Variants in ZFYVE1 observed in about 807,000 individuals in gnomAD.
The protein encoded by ZFYVE1 is zinc finger FYVE domain-containing protein 1.
Under a neutral mutation model 74.4 loss-of-function variants are expected in ZFYVE1, and 30 were observed. The ratio of observed to expected loss-of-function variants is 0.40; its 90% CI spans 0.30 to 0.55. The LOEUF (loss-of-function observed/expected upper bound fraction) is 0.55, where lower values mean the gene tolerates loss of function less well. ZFYVE1 is among the 20% of genes least tolerant of loss of function. The pLI is 0.42. For missense variants in ZFYVE1, 703 were observed against 1,011.6 expected, an observed-to-expected ratio of 0.69 and a Z score of 4.14; for synonymous variants, 335 against 385.1, an observed-to-expected ratio of 0.87 and a Z score of 1.52.
chr14:72,990,689 C>CTTTT lies in ZFYVE1; in HGVS notation c.1203+2450_1203+2453dup, dbSNP rs369030778. Among the ~76,000 whole-genome samples, 102 of 66,704 alleles carry CTTTT rather than the reference C, an allele frequency of 1.5e-3. 12 individuals carry two copies. Among genetic ancestry groups the CTTTT allele is most frequent in the African/African-American group, 4.4e-3 (81 of 18,540 alleles). 43.8% of individuals were successfully genotyped at this position (66,704 alleles called of 152,430 possible). On this transcript the variant is annotated intron_variant, in intron 4 of 11. Coordinates refer to ENST00000556143, the MANE Select transcript of ZFYVE1 (RefSeq NM_021260.4). ...AAGGGCGTGAGCCACCGCACCTGGC[C>CTTTT]TTTTTTTTTTTTTTTTTTTTTTTTT...
At chr14:73,018,698 C>T (rs978668756) in intron 2 of ZFYVE1, among the ~76,000 whole-genome samples, 11 of 152,234 alleles carry the variant, frequency 7.2e-5, no homozygotes, top group African/African-American at 2.4e-4. Context: ...AATCCCATCA[C>T]TTTGGGAGGC....
intron 3 of ZFYVE1, 41 bp downstream of exon 3, chr14:72,997,769 AC>A (rs757813284): frequency 6.5e-7 from 1 of 1,534,182 alleles, no homozygotes; most frequent in South Asian, 1.3e-5. Flanking sequence ...GCCTCCTTGT[AC>A]CCATAAAGGT....
At chr14:72,980,573 ATTTATTTATTTT>A (rs1301131719) in intron 5 of ZFYVE1, among the ~76,000 whole-genome samples, 1 of 135,590 alleles carries the variant, frequency 7.4e-6, no homozygotes, top group Non-Finnish European at 1.7e-5. Flanking sequence ...TTATTTATTT[ATTTATTTATTTT>A]GAGAAAGAGT....
At chr14:73,026,149 A>C (rs1360258520) in intron 1 of ZFYVE1, among the ~76,000 whole-genome samples, 1 of 151,612 alleles carries the variant, frequency 6.6e-6, no homozygotes, top group Non-Finnish European at 1.5e-5. Context: ...AAAAAAAAAA[A>C]GGAGCAACAG....
chr14:73,002,894 A>C (rs1893902869), intron 2 of ZFYVE1, among the ~76,000 whole-genome samples: 1 of 150,902 alleles, frequency 6.6e-6, no homozygotes, highest in Non-Finnish European at 1.5e-5. Flanking sequence ...GGCGCCCGCC[A>C]CCACGCCCGG....
In ZFYVE1 at chr14:73,024,080, C is replaced by G; in HGVS notation, c.429G>C (p.Lys143Asn). 1 of 1,614,182 alleles carries G rather than the reference C, an allele frequency of 6.2e-7. No homozygotes were observed. The highest frequency in any genetic ancestry group is 8.5e-7 in the Non-Finnish European group (1 of 1,180,040). Residue 143 changes from lysine (K) to asparagine (N), a missense_variant, in exon 2 of 12, where the codon AAG (lysine) becomes AAC (asparagine). By Grantham distance (94) the Lys-to-Asn change is moderately conservative. Around this residue, in one of 2 missense-constraint regions of ZFYVE1, gnomAD observed 211 missense variants for 221.7 expected, o/e 0.95. Coordinates refer to ENST00000556143, the MANE Select transcript of ZFYVE1 (RefSeq NM_021260.4). ...GGAAACTCACAACCTTCTCAGTCAT[C>G]TTCTTCCTCTTGGTCTCCTCATCCA... is the stretch of plus-strand genomic sequence containing the variant. ...EEMDEETKRK[K>N]MTEKVVSFLL...
chr14:72,974,529 G>T (rs868281487), intron 10 of ZFYVE1, among the ~76,000 whole-genome samples: 1 of 152,216 alleles, frequency 6.6e-6, no homozygotes, highest in Non-Finnish European at 1.5e-5. Flanking sequence ...TCAGAATTCA[G>T]TTGCTATGTG....
At chr14:72,979,057 G>C in intron 5 of ZFYVE1, 88 bp from the exon 6 acceptor site, 4 of 1,154,378 alleles carry the variant, frequency 3.5e-6, no homozygotes, top group Non-Finnish European at 5.2e-6. Flanking sequence ...CCAGGCACAA[G>C]GCCACGACCA....
At chr14:73,017,651 A>G (rs528901956) in intron 2 of ZFYVE1, among the ~76,000 whole-genome samples, 197 of 152,274 alleles carry the variant, frequency 1.3e-3, no homozygotes, top group African/African-American at 4.5e-3. Flanking sequence ...TCCATCCAAC[A>G]TATCAGCACT....
intron 4 of ZFYVE1, chr14:72,986,909 T>C (rs772191997): frequency 1.3e-5 from 13 of 985,322 alleles, no homozygotes; most frequent in Non-Finnish European, 1.6e-5. Context: ...CATTCCACAG[T>C]TTCTTGGGTT....
intron 2 of ZFYVE1, among the ~76,000 whole-genome samples, chr14:72,999,377 C>T (rs973689687): frequency 2.0e-5 from 3 of 151,490 alleles, no homozygotes; most frequent in Non-Finnish European, 4.4e-5. Flanking sequence ...CAGTGAGCAG[C>T]GATCGCACCA....
chr14:73,016,129 CT>C (rs564381114), intron 2 of ZFYVE1, among the ~76,000 whole-genome samples: 109 of 152,254 alleles, frequency 7.2e-4, no homozygotes, highest in African/African-American at 2.5e-3. Context: ...TTCTTCTGAC[CT>C]TTAACTTATT....
At chr14:73,019,834 A>G (rs1015714833) in intron 2 of ZFYVE1, among the ~76,000 whole-genome samples, 1 of 151,968 alleles carries the variant, frequency 6.6e-6, no homozygotes, top group Admixed American at 6.6e-5. Flanking sequence ...GCCTACAATC[A>G]CAGCTACTCG....
intron 4 of ZFYVE1, among the ~76,000 whole-genome samples, chr14:72,983,879 A>C (rs529200616): frequency 6.6e-6 from 1 of 152,304 alleles, no homozygotes; most frequent in Non-Finnish European, 1.5e-5. Flanking sequence ...GAGAAATGCA[A>C]ATCAAAACCA....
At chr14:72,979,653 A>T (rs1042277418) in intron 5 of ZFYVE1, among the ~76,000 whole-genome samples, 7 of 138,446 alleles carry the variant, frequency 5.1e-5, no homozygotes, top group Non-Finnish European at 9.4e-5. Context: ...CTCTGTCTTT[A>T]AAAAAAAAAA....
chr14:73,024,160 G>C lies in ZFYVE1; in HGVS notation c.349C>G (p.Pro117Ala), dbSNP rs571927064. 1.1e-5 allele frequency: 18 copies of C among 1,614,042 alleles called. No individual in the cohort carries two copies. In the African/African-American group the frequency reaches 1.3e-4, roughly 12 times the overall value. Residue 117 changes from proline (P) to alanine (A), a missense_variant, in exon 2 of 12, where the codon CCT becomes GCT. Coordinates refer to ENST00000556143, the MANE Select transcript of ZFYVE1 (RefSeq NM_021260.4). ...TTACTGACATTGTACACAGTAACAG[G>C]GTGTCTCCTTTTGTTACCCCCAGAA... ...THSGGNKRRH[P>A]VTVYNVSNLQ...
At chr14:72,998,545 AAAAAGAAAAG>A (rs372780063) in intron 2 of ZFYVE1, among the ~76,000 whole-genome samples, 162 of 152,166 alleles carry the variant, frequency 1.1e-3, no homozygotes, top group African/African-American at 1.2e-3. Context: ...CTATAAAAAG[AAAAAGAAAAG>A]AAAAGAAAAG....
At chr14:73,003,877 T>C (rs12888375) in intron 2 of ZFYVE1, among the ~76,000 whole-genome samples, 45,807 of 152,122 alleles carry the variant, frequency 0.3, 7,303 homozygotes, top group Middle Eastern at 0.38. Flanking sequence ...ACCTTATCTT[T>C]ACATGCAGAG....
At chr14:72,974,453 G>A (rs80300375) in intron 10 of ZFYVE1, among the ~76,000 whole-genome samples, 221 of 152,294 alleles carry the variant, frequency 1.5e-3, no homozygotes, top group African/African-American at 4.5e-3. Context: ...TTCTAGGAGC[G>A]AAAACTAGAA....
Sources: gnomAD v4.1 joint callset for allele counts (sites outside exome capture counted in the v4.1 genomes callset) on GRCh38, gnomAD v4.1.1 for gene constraint, gnomAD v4.1.1 regional missense constraint, MANE v1.5 for transcripts, NCBI Gene and HGNC (gene_info 2026-07-23, HGNC 2026-07-21) for gene names.